EFNB2: variants seen among roughly 807,000 people sequenced by gnomAD.
EFNB2 encodes ephrin B2.
Under a neutral mutation model 32.1 loss-of-function variants are expected in EFNB2, and 5 were observed. The ratio of observed to expected loss-of-function variants is 0.16; its 90% CI spans 0.08 to 0.33. The LOEUF is 0.33. Ranked by LOEUF, EFNB2 falls within the 10% of genes least tolerant of loss-of-function variation. The pLI is 1.00. For synonymous variants in EFNB2, 168 were observed against 166.5 expected (o/e 1.01, Z -0.07); for missense variants, 263 against 422.6 (o/e 0.62, Z 3.31).
chr13:106,493,181 A>T lies in EFNB2; in HGVS notation c.861T>A (p.Ser287Arg). Reference protein sequence around the residue: ...RSGNNNGSEPSDIIIPLRTAD... With the variant: ...RSGNNNGSEPRDIIIPLRTAD... ...CAGTCCTTAGCGGGATGATAATGTC[A>T]CTGGGCTCTGAGCCGTTGTTGTTGC... The change falls in exon 5 of 5, where the codon AGT becomes AGA. Residue 287 changes from serine (S) to arginine (R), a missense_variant. Around this residue, in one of 3 missense-constraint regions of EFNB2, gnomAD observed 172 missense variants for 237.1 expected, o/e 0.73. Coordinates refer to ENST00000646441, the MANE Select transcript of EFNB2 (RefSeq NM_004093.4). This position sits in a 1 kb window ranked among gnomAD's most constrained non-coding sequence, Gnocchi z 6.1. 6.2e-7 allele frequency: 1 copy of T among 1,614,126 alleles called. No homozygotes were observed. Among genetic ancestry groups the T allele is most frequent in the Non-Finnish European group, 8.5e-7 (1 of 1,180,024 alleles).
chr13:106,504,261 C>T (rs937020873), intron 2 of EFNB2, among the ~76,000 whole-genome samples: 2 of 152,168 alleles, frequency 1.3e-5, no homozygotes, highest in Non-Finnish European at 1.5e-5. Flanking sequence ...CCAGTAATTG[C>T]GAGACGAGTG....
intron 1 of EFNB2, chr13:106,516,985 A>C (rs943050513): frequency 6.6e-6 from 1 of 152,218 alleles, no homozygotes; most frequent in African/African-American, 2.4e-5. Flanking sequence ...ATATGTTATA[A>C]TCAAGTCAGT....
chr13:106,512,627 T>C lies in EFNB2; in HGVS notation c.308A>G (p.Lys103Arg). The change falls in exon 2 of 5, where the codon AAA becomes AGA. Residue 103 changes from lysine (K) to arginine (R), a missense_variant. Lys to Arg is a conservative substitution (Grantham distance 26, BLOSUM62 2). Coordinates refer to ENST00000646441, the MANE Select transcript of EFNB2 (RefSeq NM_004093.4). ...GGTGAATTTGATATCTTGGTCTGGT[T>C]TGGCACAGTTGAGGAGAGGGGTATT... ...KENTPLLNCA[K>R]PDQDIKFTIK... The C allele has an allele frequency of 6.2e-7, 1 of 1,613,998 alleles. No individual in the cohort carries two copies. The highest frequency in any genetic ancestry group is 8.5e-7 in the Non-Finnish European group (1 of 1,179,952).
At chr13:106,528,846 G>C (rs886974294) in intron 1 of EFNB2, among the ~76,000 whole-genome samples, 1 of 152,134 alleles carries the variant, frequency 6.6e-6, no homozygotes, top group African/African-American at 2.4e-5. Flanking sequence ...AGATTTTTCT[G>C]TTTTTGACTT....
In EFNB2 at chr13:106,534,995, G is replaced by C. The variant is rs573953462; in HGVS notation, c.-31C>G. ...AGCCACTCCCAGCTCCGCGCACTCC[G>C]GGCCAAGAAGGGACTGACGGGACGC... On this transcript the variant is annotated 5_prime_UTR_variant, in exon 1 of 5. Transcript: ENST00000646441. The C allele has an allele frequency of 1.9e-6, 3 of 1,610,998 alleles. No homozygotes were observed. In the South Asian group the frequency reaches 3.3e-5, roughly 18 times the overall value.
chr13:106,528,113 G>T (rs935849190), intron 1 of EFNB2, among the ~76,000 whole-genome samples: 22 of 152,170 alleles, frequency 1.4e-4, no homozygotes, highest in African/African-American at 5.3e-4. Context: ...AAATCAGGGG[G>T]TAGCCTCTCT....
rs1015408743 is a variant in EFNB2 at position 106,535,655 on chromosome 13, G to A, written c.-691C>T. The A allele has an allele frequency of 6.0e-5, 9 of 150,712 alleles. No individual in the cohort carries two copies. Among genetic ancestry groups the A allele is most frequent in the African/African-American group, 1.9e-4 (8 of 41,214 alleles). The allele number at this position is 150,712 out of a possible 1,614,324, so 9.3% of individuals were successfully genotyped here. A position where few individuals can be genotyped will look rare whatever the true frequency, so the allele number is the denominator to read the frequency against. The stretch of plus-strand genomic sequence containing the variant: ...CCGGCGCCGCGGTCCCCGCCGAGGA[G>A]AGTCAGCGCGGCCGCCGCGCTGTCA... On this transcript the variant is annotated 5_prime_UTR_variant, in exon 1 of 5. Coordinates refer to ENST00000646441, the MANE Select transcript of EFNB2 (RefSeq NM_004093.4).
At chr13:106,523,038 G>A (rs966388706) in intron 1 of EFNB2, among the ~76,000 whole-genome samples, 1 of 152,162 alleles carries the variant, frequency 6.6e-6, no homozygotes, top group Non-Finnish European at 1.5e-5. Flanking sequence ...GTGTGCAATT[G>A]CTTTACAAGC....
At chr13:106,517,926 T>C (rs1042318574) in intron 1 of EFNB2, 13 of 152,234 alleles carry the variant, frequency 8.5e-5, no homozygotes, top group African/African-American at 2.9e-4. Flanking sequence ...TACTTCTACA[T>C]GGATACTTTG....
At chr13:106,505,755 A>T (rs1234112113) in intron 2 of EFNB2, among the ~76,000 whole-genome samples, 1 of 152,228 alleles carries the variant, frequency 6.6e-6, no homozygotes, top group Non-Finnish European at 1.5e-5. Flanking sequence ...ATTATTTATA[A>T]ATCCCAGTGA....
intron 1 of EFNB2, chr13:106,520,441 T>C (rs1879471406): frequency 6.6e-6 from 1 of 152,250 alleles, no homozygotes; most frequent in South Asian, 2.1e-4. Flanking sequence ...CCCCACCATG[T>C]ACTTTGGGCC....
intron 1 of EFNB2, among the ~76,000 whole-genome samples, chr13:106,528,107 CAG>C (rs1879760159): frequency 6.6e-6 from 1 of 152,176 alleles, no homozygotes; most frequent in Non-Finnish European, 1.5e-5. Flanking sequence ...GCCTGTAAAT[CAG>C]GGGGTAGCCT....
At chr13:106,524,313 A>G (rs540648734) in intron 1 of EFNB2, among the ~76,000 whole-genome samples, 1 of 152,358 alleles carries the variant, frequency 6.6e-6, no homozygotes, top group South Asian at 2.1e-4. Flanking sequence ...GTTATATGAT[A>G]AAGACTACTC....
intron 1 of EFNB2, among the ~76,000 whole-genome samples, chr13:106,533,994 A>G (rs1440056209): frequency 2.0e-5 from 3 of 152,206 alleles, no homozygotes; most frequent in Non-Finnish European, 2.9e-5. Context: ...CCGGCTGTAG[A>G]GTCCGGTAAG....
At chr13:106,505,135 C>T (rs750054385) in intron 2 of EFNB2, among the ~76,000 whole-genome samples, 20 of 152,128 alleles carry the variant, frequency 1.3e-4, no homozygotes, top group Non-Finnish European at 2.5e-4. Flanking sequence ...AGCGTCAGTA[C>T]CAAAATGTCT....
In EFNB2 at chr13:106,507,326, C is replaced by T. The variant is rs74113034; in HGVS notation, c.406+5203G>A. Among the ~76,000 whole-genome samples, 732 of 152,228 alleles carry T rather than the reference C, an allele frequency of 4.8e-3. 7 individuals carry two copies. The highest frequency in any genetic ancestry group is 0.017 in the African/African-American group (711 of 41,516). On this transcript the variant is annotated intron_variant, in intron 2 of 4. Coordinates refer to ENST00000646441, the MANE Select transcript of EFNB2 (RefSeq NM_004093.4). ...AAAAGAAATCTATATGTTAAGAGGA[C>T]ATTTGAAAGCTCCTGTAACTATCTT...
rs117923398 is a variant in EFNB2 at position 106,511,912 on chromosome 13, C to T, written c.406+617G>A. Among the ~76,000 whole-genome samples the T allele has an allele frequency of 9.0e-3, 1,371 of 152,184 alleles. 13 individuals carry two copies. Among genetic ancestry groups the T allele is most frequent in the Non-Finnish European group, 0.011 (728 of 68,018 alleles). On this transcript the variant is annotated intron_variant, in intron 2 of 4. Coordinates refer to ENST00000646441, the MANE Select transcript of EFNB2 (RefSeq NM_004093.4). ...TACGTACCATCTCTTCTTGAAACAG[C>T]GTGTCAAATTATATATATGTATGCA... is the stretch of plus-strand genomic sequence containing the variant.
intron 1 of EFNB2, among the ~76,000 whole-genome samples, chr13:106,514,166 CT>C (rs548974165): frequency 2.7e-5 from 4 of 150,880 alleles, no homozygotes; most frequent in East Asian, 1.9e-4. Context: ...AGGATGGTCC[CT>C]TTTTTTTTAA....
chr13:106,514,588 ACATTAAATT>A (rs1302125794), intron 1 of EFNB2, among the ~76,000 whole-genome samples: 5 of 152,290 alleles, frequency 3.3e-5, no homozygotes, highest in South Asian at 2.1e-4. Context: ...AATTCCATAA[ACATTAAATT>A]GATCATCTTC....
Sources: gnomAD v4.1 joint callset for allele counts (sites outside exome capture counted in the v4.1 genomes callset) on GRCh38, gnomAD v4.1.1 for gene constraint, gnomAD v4.1.1 regional missense constraint, Gnocchi (gnomAD v3.1) non-coding constraint, MANE v1.5 for transcripts, NCBI Gene and HGNC (gene_info 2026-07-23, HGNC 2026-07-21) for gene names.